KCNH1: variants seen among roughly 807,000 people sequenced by gnomAD.
KCNH1 encodes the protein voltage-gated delayed rectifier potassium channel KCNH1.
A neutral mutation model predicts 69.2 loss-of-function variants in KCNH1; 27 were observed. The observed-to-expected ratio is 0.39, with a 90% CI of 0.29 to 0.54. The LOEUF (loss-of-function observed/expected upper bound fraction) is 0.54. Among genes scored for constraint, KCNH1 ranks in the 20% least tolerant of loss-of-function variants. The pLI is 0.68. For synonymous variants in KCNH1, 456 were observed against 487.7 expected (o/e 0.93, Z 0.86); for missense variants, 798 against 1,261.6 (o/e 0.63, Z 5.57).
intron 6 of KCNH1, among the ~76,000 whole-genome samples, chr1:210,978,803 A>G (rs1300172317): frequency 6.6e-6 from 1 of 152,204 alleles, no homozygotes; most frequent in Non-Finnish European, 1.5e-5. Context: ...TCTCAAGCCC[A>G]TAAGGCTTTC....
chr1:210,836,062 A>G lies in KCNH1; in HGVS notation c.1463-31896T>C, dbSNP rs967969596. ...GGGAGGCGGAGGTTGCAGTGAGCCA[A>G]GATTGCACCACTGCACTCCAGCCTA... is the stretch of plus-strand genomic sequence containing the variant. On this transcript the variant is annotated intron_variant, in intron 7 of 10. Transcript: ENST00000271751. Among the ~76,000 whole-genome samples the G allele has an allele frequency of 2.8e-5, 4 of 145,090 alleles. No homozygotes were observed. The South Asian group carries it at 8.9e-4, about 32-fold the overall frequency.
intron 9 of KCNH1, among the ~76,000 whole-genome samples, chr1:210,788,701 T>C (rs1684154201): frequency 7.7e-6 from 1 of 129,058 alleles, no homozygotes; most frequent in Non-Finnish European, 1.6e-5. Flanking sequence ...TTTTTTTTTT[T>C]TTTTTTTTTT....
Position 210,891,540 on chromosome 1 carries a change from T to TA in KCNH1, c.1462+28099dup, listed in dbSNP as rs77160107. On this transcript the variant is annotated intron_variant, in intron 7 of 10. Transcript: ENST00000271751. ...CATACCCTAGAACTTAAAGTATAATTAAAAAAAAAAAAAGTCAGGAAACAA... is the reference window on the plus strand; with the variant it reads ...CATACCCTAGAACTTAAAGTATAATTAAAAAAAAAAAAAAGTCAGGAAACAA... Among the ~76,000 whole-genome samples the TA allele has an allele frequency of 3.6e-3, 501 of 141,118 alleles. 1 individual carries two copies. Among genetic ancestry groups the TA allele is most frequent in the African/African-American group, 9.6e-3 (372 of 38,678 alleles). The allele number at this position is 141,118 out of a possible 152,430, so 92.6% of individuals were successfully genotyped here.
intron 9 of KCNH1, among the ~76,000 whole-genome samples, chr1:210,788,943 G>A (rs1027792291): frequency 2.0e-5 from 3 of 151,710 alleles, no homozygotes; most frequent in African/African-American, 4.9e-5. Flanking sequence ...TGATCCGCCC[G>A]CCTCGGCCTC....
At chr1:210,763,957 C>A (rs1027352238) in intron 10 of KCNH1, among the ~76,000 whole-genome samples, 1 of 152,056 alleles carries the variant, frequency 6.6e-6, no homozygotes, top group Non-Finnish European at 1.5e-5. Flanking sequence ...ATCACATTAT[C>A]CAACTTCAAA....
chr1:210,881,945 A>T (rs1233452174), intron 7 of KCNH1, among the ~76,000 whole-genome samples: 2 of 152,208 alleles, frequency 1.3e-5, no homozygotes, highest in African/African-American at 4.8e-5. Flanking sequence ...TGATCCTGTA[A>T]TAGTGAATAT....
intron 6 of KCNH1, among the ~76,000 whole-genome samples, chr1:210,958,920 T>A (rs1688243222): frequency 6.6e-6 from 1 of 152,252 alleles, no homozygotes; most frequent in Admixed American, 6.5e-5. Flanking sequence ...TGTCAACTTG[T>A]CAAAGTTATT....
At chr1:210,829,639 C>T (rs562185570) in intron 7 of KCNH1, among the ~76,000 whole-genome samples, 1 of 152,292 alleles carries the variant, frequency 6.6e-6, no homozygotes, top group South Asian at 2.1e-4. Flanking sequence ...GGCCTTTGCA[C>T]TGGCGGCTAC....
intron 5 of KCNH1, among the ~76,000 whole-genome samples, chr1:211,059,730 G>A (rs377219700): frequency 3.3e-5 from 5 of 151,844 alleles, no homozygotes; most frequent in South Asian, 2.1e-4. Context: ...GCGACAGAGC[G>A]AGACTCCATC....
At chr1:210,775,239 C>G (rs1335120756) in intron 10 of KCNH1, 109 bp downstream of exon 10, 1 of 899,132 alleles carries the variant, frequency 1.1e-6, no homozygotes, top group Non-Finnish European at 1.7e-6. Context: ...CTCTTTAGAA[C>G]CAATTACTCT....
At chr1:210,753,453 G>C (rs1683325359) in intron 10 of KCNH1, among the ~76,000 whole-genome samples, 1 of 152,216 alleles carries the variant, frequency 6.6e-6, no homozygotes, top group South Asian at 2.1e-4. Context: ...AAGTAGCCCA[G>C]CTTCCCCATG....
At chr1:210,947,188 C>A (rs913704802) in intron 6 of KCNH1, among the ~76,000 whole-genome samples, 2 of 152,254 alleles carry the variant, frequency 1.3e-5, no homozygotes, top group Non-Finnish European at 2.9e-5. Context: ...AGGGTGAGAC[C>A]ACCTGCCCTA....
intron 5 of KCNH1, among the ~76,000 whole-genome samples, chr1:211,042,753 G>C (rs547302925): frequency 6.6e-6 from 1 of 152,204 alleles, no homozygotes; most frequent in Non-Finnish European, 1.5e-5. Flanking sequence ...TAAGAAAATT[G>C]AAATTATATC....
intron 5 of KCNH1, 63 bp from the exon 6 acceptor site, chr1:211,019,319 G>A: frequency 9.8e-7 from 1 of 1,018,790 alleles, no homozygotes; most frequent in Non-Finnish European, 1.5e-6. Flanking sequence ...TATCTAACCA[G>A]TCAGCATCAG....
At chr1:210,953,280 T>C (rs1004154364) in intron 6 of KCNH1, among the ~76,000 whole-genome samples, 10 of 152,282 alleles carry the variant, frequency 6.6e-5, no homozygotes, top group African/African-American at 2.4e-4. Context: ...TTTCTGGAAA[T>C]ACAAATTCAC....
intron 6 of KCNH1, among the ~76,000 whole-genome samples, chr1:210,921,681 G>T (rs930190130): frequency 1.3e-5 from 2 of 152,218 alleles, no homozygotes; most frequent in Non-Finnish European, 2.9e-5. Flanking sequence ...GGCCACGGCA[G>T]TTAATAATAA....
chr1:211,077,440 T>C (rs1481256011), intron 5 of KCNH1, among the ~76,000 whole-genome samples: 1 of 151,924 alleles, frequency 6.6e-6, no homozygotes, highest in Non-Finnish European at 1.5e-5. Flanking sequence ...CAGAAGAGAG[T>C]GGGGGCCAAT....
At chr1:211,129,356 C>T (rs1361452077) in intron 1 of KCNH1, among the ~76,000 whole-genome samples, 1 of 152,180 alleles carries the variant, frequency 6.6e-6, no homozygotes, top group African/African-American at 2.4e-5. Flanking sequence ...GAGCTGGCAT[C>T]GGAAACAATG....
chr1:210,704,321 G>A (rs148788705), intron 10 of KCNH1, among the ~76,000 whole-genome samples: 1 of 152,138 alleles, frequency 6.6e-6, no homozygotes, highest in African/African-American at 2.4e-5. Flanking sequence ...CAATCGCCAC[G>A]CCTAGAAGAT....
Sources: allele counts gnomAD v4.1 joint callset (sites outside exome capture counted in the v4.1 genomes callset), GRCh38; gene constraint gnomAD v4.1.1; transcripts MANE v1.5; gene names NCBI Gene and HGNC (gene_info 2026-07-23, HGNC 2026-07-21).